Variants in SDK1 observed in about 807,000 individuals in gnomAD.
The protein encoded by SDK1 is protein sidekick-1.
In SDK1, 157 loss-of-function variants were observed where a neutral mutation model predicts 245.5. The observed-to-expected ratio is 0.64, with a 90% confidence interval of 0.56 to 0.73. The LOEUF (loss-of-function observed/expected upper bound fraction) is 0.73. Among genes scored for constraint, SDK1 ranks in the 30% least tolerant of loss-of-function variants. SDK1 has a pLI of 0.00. For synonymous variants in SDK1, 1,647 were observed against 1,278.5 expected, an observed-to-expected ratio of 1.29 and a Z score of -6.15; for missense variants, 3,583 against 3,002.3, an observed-to-expected ratio of 1.19 and a Z score of -4.52.
intron 44 of SDK1, among the ~76,000 whole-genome samples, chr7:4,254,449 A>G (rs899886421): frequency 6.6e-6 from 1 of 152,174 alleles, no homozygotes; most frequent in Non-Finnish European, 1.5e-5. Context: ...TTTCAACTCA[A>G]GAACTTCCCA....
At chr7:3,579,440 A>T (rs940765342) in intron 1 of SDK1, among the ~76,000 whole-genome samples, 3 of 152,222 alleles carry the variant, frequency 2.0e-5, no homozygotes, top group African/African-American at 7.2e-5. Flanking sequence ...GATTATCTCA[A>T]TAGGTGCAGA....
chr7:3,969,906 C>A (rs1782355630), intron 11 of SDK1, among the ~76,000 whole-genome samples: 1 of 152,172 alleles, frequency 6.6e-6, no homozygotes, highest in Non-Finnish European at 1.5e-5. Flanking sequence ...TTGTTAGGAA[C>A]AACTAAGACA....
chr7:3,770,331 T>C (rs1780373457), intron 4 of SDK1, among the ~76,000 whole-genome samples: 2 of 152,184 alleles, frequency 1.3e-5, no homozygotes, highest in South Asian at 4.1e-4. Context: ...GGTCATGGTA[T>C]GGATGTACCA....
chr7:3,491,670 C>T (rs562252069), intron 1 of SDK1, among the ~76,000 whole-genome samples: 3 of 152,216 alleles, frequency 2.0e-5, no homozygotes, highest in East Asian at 3.9e-4. Flanking sequence ...AGGCAGTACA[C>T]ACATTCTCAG....
chr7:3,835,513 T>C (rs2115080029), intron 5 of SDK1, among the ~76,000 whole-genome samples: 1 of 152,256 alleles, frequency 6.6e-6, no homozygotes, highest in South Asian at 2.1e-4. Flanking sequence ...ATACTTTCTA[T>C]CCCAAAGCTA....
intron 1 of SDK1, among the ~76,000 whole-genome samples, chr7:3,589,294 G>A (rs1044040914): frequency 2.2e-4 from 33 of 152,068 alleles, no homozygotes; most frequent in African/African-American, 6.3e-4. Context: ...CTCACAGTTG[G>A]CGTGGGCCTG....
At chr7:3,477,310 C>A (rs972575097) in intron 1 of SDK1, among the ~76,000 whole-genome samples, 1 of 148,886 alleles carries the variant, frequency 6.7e-6, no homozygotes, top group Non-Finnish European at 1.5e-5. Context: ...ATTCTCCTGC[C>A]TCAGCCTCCT....
intron 2 of SDK1, among the ~76,000 whole-genome samples, chr7:3,633,315 C>T (rs1782354939): frequency 6.6e-6 from 1 of 152,110 alleles, no homozygotes; most frequent in African/African-American, 2.4e-5. Flanking sequence ...TCTTATGAAT[C>T]AAATTAAGTT....
At chr7:3,825,301 A>G (rs1468049712) in intron 5 of SDK1, among the ~76,000 whole-genome samples, 1 of 150,718 alleles carries the variant, frequency 6.6e-6, no homozygotes, top group Non-Finnish European at 1.5e-5. Context: ...TACTATGTGA[A>G]TAAGAGTTTC....
At chr7:3,923,885 G>A (rs902355810) in intron 5 of SDK1, among the ~76,000 whole-genome samples, 12 of 152,278 alleles carry the variant, frequency 7.9e-5, no homozygotes, top group African/African-American at 1.4e-4. Flanking sequence ...TGTCTTTTGC[G>A]GGTGGGGAAT....
chr7:3,598,069 C>T (rs1397610956), intron 1 of SDK1, among the ~76,000 whole-genome samples: 1 of 152,110 alleles, frequency 6.6e-6, no homozygotes, highest in Non-Finnish European at 1.5e-5. Flanking sequence ...GTATGAGTTG[C>T]AGTTGCTACA....
At chr7:4,165,891 A>T (rs181601988) in intron 32 of SDK1, among the ~76,000 whole-genome samples, 2 of 152,012 alleles carry the variant, frequency 1.3e-5, no homozygotes, top group Non-Finnish European at 1.5e-5. Context: ...GGCTCAAGCA[A>T]TCCTCCCACC....
intron 4 of SDK1, among the ~76,000 whole-genome samples, chr7:3,760,990 G>A (rs1448088234): frequency 6.6e-6 from 1 of 152,182 alleles, no homozygotes; most frequent in Non-Finnish European, 1.5e-5. Flanking sequence ...TATGAATTAA[G>A]CTGCTATGAG....
chr7:4,187,707 G>A (rs907510459), intron 35 of SDK1, among the ~76,000 whole-genome samples: 2 of 152,230 alleles, frequency 1.3e-5, no homozygotes, highest in Non-Finnish European at 2.9e-5. Flanking sequence ...TCATGAATCA[G>A]GCAGCACCAG....
chr7:3,939,823 C>G (rs2128120878), intron 5 of SDK1, among the ~76,000 whole-genome samples: 1 of 152,332 alleles, frequency 6.6e-6, no homozygotes, highest in East Asian at 1.9e-4. Context: ...CAGGAAAGCT[C>G]TTAATTCCTT....
intron 4 of SDK1, among the ~76,000 whole-genome samples, chr7:3,665,861 G>A (rs575472326): frequency 1.5e-4 from 23 of 152,224 alleles, no homozygotes; most frequent in African/African-American, 5.5e-4. Context: ...ATTAACAGAT[G>A]TAGATTGACT....
rs561024296 is a variant in SDK1 at position 3,627,373 on chromosome 7, C to G, written c.458+8134C>G. 3.3e-5 allele frequency among the ~76,000 whole-genome samples: 5 copies of G among 152,328 alleles called. No homozygotes were observed. In the South Asian group the frequency reaches 1.0e-3, roughly 32 times the overall value. ...TCAATAAGTACAATGAGTCCCTGAT[C>G]TGGGACAATTCTGTGCAGGCTGCCA... On this transcript the variant is annotated intron_variant, in intron 2 of 44. Transcript: ENST00000404826.
At chr7:3,984,962 C>G (rs1001376151) in intron 13 of SDK1, among the ~76,000 whole-genome samples, 2 of 152,236 alleles carry the variant, frequency 1.3e-5, no homozygotes, top group Non-Finnish European at 2.9e-5. Context: ...GCATTCCTAC[C>G]ACTCTCACCG....
At chr7:4,144,681 C>A (rs562264871) in intron 28 of SDK1, among the ~76,000 whole-genome samples, 1 of 152,028 alleles carries the variant, frequency 6.6e-6, no homozygotes, top group Non-Finnish European at 1.5e-5. Context: ...AGGGGTTCAC[C>A]CGGAACAGAG....
Sources: gnomAD v4.1 joint callset for allele counts (sites outside exome capture counted in the v4.1 genomes callset) on GRCh38, gnomAD v4.1.1 for gene constraint, MANE v1.5 for transcripts, NCBI Gene and HGNC (gene_info 2026-07-23, HGNC 2026-07-21) for gene names.